PLCB1: variants seen among roughly 807,000 people sequenced by gnomAD.
PLCB1 encodes the protein phospholipase C beta 1.
In PLCB1, 46 loss-of-function variants were observed where a neutral mutation model predicts 161.8. The observed-to-expected ratio is 0.28, with a 90% CI of 0.22 to 0.36. The LOEUF (loss-of-function observed/expected upper bound fraction) is 0.36, where lower values mean the gene tolerates loss of function less well. Among genes scored for constraint, PLCB1 ranks in the 10% least tolerant of loss-of-function variants. The pLI is 1.00. For synonymous variants in PLCB1, 517 were observed against 503.7 expected (o/e 1.03, Z -0.35); for missense variants, 1,016 against 1,472.5 (o/e 0.69, Z 5.07).
intron 18 of PLCB1, among the ~76,000 whole-genome samples, chr20:8,730,865 T>C (rs1270052951): frequency 6.6e-6 from 1 of 151,776 alleles, no homozygotes; most frequent in African/African-American, 2.4e-5. Flanking sequence ...TCTGGATATT[T>C]ATATTTGTAT....
At chr20:8,396,670 A>C (rs1218762847) in intron 3 of PLCB1, among the ~76,000 whole-genome samples, 1 of 152,058 alleles carries the variant, frequency 6.6e-6, no homozygotes. Flanking sequence ...CTTTGAAAAA[A>C]ATTCAACTAA....
chr20:8,761,838 C>A (rs1161439351), intron 25 of PLCB1, among the ~76,000 whole-genome samples: 1 of 145,336 alleles, frequency 6.9e-6, no homozygotes, highest in Non-Finnish European at 1.5e-5. Flanking sequence ...AGGTGATCCA[C>A]CCGCCTCGGC....
chr20:8,530,358 C>T (rs6108148), intron 3 of PLCB1, among the ~76,000 whole-genome samples: 1 of 152,052 alleles, frequency 6.6e-6, no homozygotes, highest in African/African-American at 2.4e-5. Context: ...CTTCTTAAGT[C>T]TTAACTACAT....
intron 31 of PLCB1, among the ~76,000 whole-genome samples, chr20:8,825,816 G>A (rs1239903463): frequency 2.6e-5 from 4 of 152,202 alleles, no homozygotes; most frequent in African/African-American, 7.2e-5. Flanking sequence ...AAGAGACTCT[G>A]GCAGTGTGGA....
chr20:8,344,342 C>A (rs1985917251), intron 2 of PLCB1, among the ~76,000 whole-genome samples: 1 of 152,170 alleles, frequency 6.6e-6, no homozygotes, highest in African/African-American at 2.4e-5. Context: ...GGCACCGTGT[C>A]CTTAGTCCAC....
chr20:8,318,733 C>A (rs2745772), intron 2 of PLCB1, among the ~76,000 whole-genome samples: 43,552 of 151,784 alleles, frequency 0.29, 7,731 homozygotes, highest in African/African-American at 0.49. Flanking sequence ...GGAAAAGCAA[C>A]TAAGAAAAAA....
chr20:8,488,249 G>A (rs555229602), intron 3 of PLCB1, among the ~76,000 whole-genome samples: 1 of 152,088 alleles, frequency 6.6e-6, no homozygotes, highest in Admixed American at 6.5e-5. Flanking sequence ...AATTAAACAT[G>A]TTTAGAGAAA....
chr20:8,599,459 TGA>T (rs1568523883), intron 3 of PLCB1, among the ~76,000 whole-genome samples: 1 of 143,260 alleles, frequency 7.0e-6, no homozygotes. Flanking sequence ...GGGTTTCTGC[TGA>T]GAGATCCGCT....
At chr20:8,271,167 C>A (rs944803160) in intron 2 of PLCB1, among the ~76,000 whole-genome samples, 2 of 152,076 alleles carry the variant, frequency 1.3e-5, no homozygotes, top group African/African-American at 4.8e-5. Context: ...CCCTTAGATG[C>A]TTTTGGTTTG....
At chr20:8,741,606 T>A in intron 23 of PLCB1, 33 bp downstream of exon 23, 1 of 1,394,350 alleles carries the variant, frequency 7.2e-7, no homozygotes, top group South Asian at 1.2e-5. Context: ...CATATAGCAT[T>A]AAGCATGATC....
chr20:8,474,339 A>G (rs1982178969), intron 3 of PLCB1, among the ~76,000 whole-genome samples: 1 of 152,176 alleles, frequency 6.6e-6, no homozygotes, highest in Admixed American at 6.5e-5. Flanking sequence ...CATGGACTGG[A>G]AGATGGGCTG....
chr20:8,778,054 G>C (rs142872106), intron 27 of PLCB1, among the ~76,000 whole-genome samples: 107 of 152,238 alleles, frequency 7.0e-4, no homozygotes, highest in African/African-American at 2.5e-3. Context: ...TTCAAGATGA[G>C]ATTTGGGTGG....
intron 3 of PLCB1, among the ~76,000 whole-genome samples, chr20:8,619,904 A>G (rs1988131659): frequency 6.6e-6 from 1 of 152,250 alleles, no homozygotes; most frequent in East Asian, 1.9e-4. Flanking sequence ...ATATACATAC[A>G]TATACTAAAA....
chr20:8,258,613 A>G (rs1442587498), intron 2 of PLCB1, among the ~76,000 whole-genome samples: 1 of 152,202 alleles, frequency 6.6e-6, no homozygotes, highest in Non-Finnish European at 1.5e-5. Context: ...AGAGGAATTT[A>G]TTACAGATTA....
intron 31 of PLCB1, among the ~76,000 whole-genome samples, chr20:8,846,199 A>G (rs1986685054): frequency 6.6e-6 from 1 of 152,150 alleles, no homozygotes; most frequent in Admixed American, 6.5e-5. Flanking sequence ...GAAGAAGAGA[A>G]TAAAGGGGGA....
chr20:8,449,283 G>A (rs144611180), intron 3 of PLCB1, among the ~76,000 whole-genome samples: 111 of 152,272 alleles, frequency 7.3e-4, no homozygotes, highest in African/African-American at 2.6e-3. Flanking sequence ...AAGCAGTGTC[G>A]TGAAGCTGAC....
At chr20:8,818,695 G>A (rs1345295361) in intron 31 of PLCB1, among the ~76,000 whole-genome samples, 1 of 151,920 alleles carries the variant, frequency 6.6e-6, no homozygotes, top group Non-Finnish European at 1.5e-5. Context: ...ATCAAACAAG[G>A]TCTATTATAA....
At chr20:8,186,343 A>G (rs931069674) in intron 2 of PLCB1, among the ~76,000 whole-genome samples, 12 of 152,108 alleles carry the variant, frequency 7.9e-5, no homozygotes, top group African/African-American at 2.9e-4. Flanking sequence ...GAATAATCTG[A>G]AGTTTTGTGT....
chr20:8,812,912 C>T (rs1217208432), intron 31 of PLCB1, among the ~76,000 whole-genome samples: 1 of 152,208 alleles, frequency 6.6e-6, no homozygotes, highest in Non-Finnish European at 1.5e-5. Context: ...AGTGTGGCTC[C>T]TACGCCCTCT....
Sources: allele counts gnomAD v4.1 joint callset (sites outside exome capture counted in the v4.1 genomes callset), GRCh38; gene constraint gnomAD v4.1.1; transcripts MANE v1.5; gene names NCBI Gene and HGNC (gene_info 2026-07-23, HGNC 2026-07-21).